The following USP34 variants were observed in gnomAD, a reference collection of about 807,000 sequenced individuals.
The protein encoded by USP34 is ubiquitin carboxyl-terminal hydrolase 34.
In USP34, 70 loss-of-function variants were observed where a neutral mutation model predicts 460.3. That is an observed-to-expected ratio of 0.15 (90% CI 0.13 to 0.19). The LOEUF is 0.19. Ranked by LOEUF, USP34 falls within the 10% of genes least tolerant of loss-of-function variation. USP34 has a pLI of 1.00. For missense variants in USP34, 3,985 were observed against 4,236.2 expected (o/e 0.94, Z 1.65); for synonymous variants, 1,647 against 1,405.3 (o/e 1.17, Z -3.85).
Position 61,245,416 on chromosome 2 carries a change from A to G in USP34, c.6549-128T>C. On this transcript the variant is annotated intron_variant, in intron 50 of 79. Transcript: ENST00000398571. ...TTCATGAGGTAAATTCTAAGTTCTTATTTTTACAATTCTAATCTACTAGAA... is the reference window on the plus strand; with the variant it reads ...TTCATGAGGTAAATTCTAAGTTCTTGTTTTTACAATTCTAATCTACTAGAA... The G allele has an allele frequency of 6.2e-6, 3 of 480,962 alleles. 1 individual carries two copies. The highest frequency in any genetic ancestry group is 1.1e-5 in the Non-Finnish European group (3 of 280,926). The allele number at this position is 480,962 out of a possible 1,614,324, so 29.8% of individuals were successfully genotyped here.
intron 5 of USP34, among the ~76,000 whole-genome samples, chr2:61,392,018 TAAAG>T (rs992958780): frequency 2.6e-5 from 4 of 152,108 alleles, no homozygotes. Flanking sequence ...AGTTGCAAGA[TAAAG>T]AAAACTATGC....
chr2:61,191,981 C>T (rs1686659005), intron 76 of USP34, among the ~76,000 whole-genome samples: 1 of 152,160 alleles, frequency 6.6e-6, no homozygotes, highest in Non-Finnish European at 1.5e-5. Context: ...GGCATTTCTT[C>T]AGGGGATGGA....
intron 33 of USP34, among the ~76,000 whole-genome samples, chr2:61,289,829 C>CT (rs1213673850): frequency 6.6e-6 from 1 of 152,042 alleles, no homozygotes; most frequent in East Asian, 1.9e-4. Context: ...GACTATAAAA[C>CT]TTACAGAAAG....
At chr2:61,319,065 C>T (rs1690835561) in intron 22 of USP34, 108 bp downstream of exon 22, 2 of 1,086,450 alleles carry the variant, frequency 1.8e-6, no homozygotes, top group Non-Finnish European at 2.5e-6. Context: ...TTACATTTGG[C>T]TACTTAAAAA....
chr2:61,342,149 C>T (rs964520416), intron 16 of USP34, among the ~76,000 whole-genome samples: 1 of 152,064 alleles, frequency 6.6e-6, no homozygotes, highest in African/African-American at 2.4e-5. Context: ...TATGACAGTT[C>T]CAGCTCCACA....
At chr2:61,378,323 A>G in intron 8 of USP34, 40 bp downstream of exon 8, 1 of 1,387,862 alleles carries the variant, frequency 7.2e-7, no homozygotes, top group Non-Finnish European at 9.9e-7. Flanking sequence ...ACTGTACATT[A>G]AAATGGTATA....
intron 21 of USP34, 76 bp from the exon 22 acceptor site, chr2:61,319,403 T>A: frequency 9.3e-7 from 1 of 1,078,144 alleles, no homozygotes; most frequent in Non-Finnish European, 1.3e-6. Flanking sequence ...CATGTGTATG[T>A]ACAGTAAGTC....
chr2:61,464,853 G>A (rs944456888), intron 1 of USP34, among the ~76,000 whole-genome samples: 6 of 151,536 alleles, frequency 4.0e-5, no homozygotes, highest in Non-Finnish European at 7.4e-5. Context: ...GTAATTTTAA[G>A]CCTCCAACTC....
chr2:61,318,531 C>G (rs1024457332), intron 22 of USP34, among the ~76,000 whole-genome samples: 7 of 152,164 alleles, frequency 4.6e-5, no homozygotes, highest in African/African-American at 1.7e-4. Context: ...TAACGTCACA[C>G]TTTGCAGAGA....
intron 53 of USP34, among the ~76,000 whole-genome samples, chr2:61,237,843 T>C (rs1688114931): frequency 6.6e-6 from 1 of 151,770 alleles, no homozygotes; most frequent in South Asian, 2.1e-4. Context: ...GTGCTTAGAT[T>C]ACAGGTGTAA....
chr2:61,190,171 T>G, intron 78 of USP34, 100 bp downstream of exon 78: 1 of 1,472,232 alleles, frequency 6.8e-7, no homozygotes, highest in Non-Finnish European at 9.0e-7. Context: ...AGAGTTTGAA[T>G]CAGTAAGTTA....
Position 61,228,846 on chromosome 2 carries a change from G to C in USP34, c.7349C>G (p.Ala2450Gly). The change falls in exon 60 of 80, where the codon GCA (alanine) becomes GGA (glycine). Residue 2450 changes from alanine to glycine, a missense_variant. Coordinates refer to ENST00000398571, the MANE Select transcript of USP34 (RefSeq NM_014709.4). ...TEYFAFLYEF[A>G]KMGEEESQFL... ...CCTCACCTCTTCTTCACCCATTTTT[G>C]CAAATTCGTAAAGGAAGGCAAAATA... 1 of 1,591,150 alleles carries C rather than the reference G, an allele frequency of 6.3e-7. No homozygotes were observed. Among genetic ancestry groups the C allele is most frequent in the Non-Finnish European group, 8.5e-7 (1 of 1,170,308 alleles).
At chr2:61,325,853 G>A (rs1476957729) in intron 20 of USP34, among the ~76,000 whole-genome samples, 1 of 152,106 alleles carries the variant, frequency 6.6e-6, no homozygotes, top group Non-Finnish European at 1.5e-5. Flanking sequence ...AATATATTCT[G>A]TACCCAAGAA....
chr2:61,188,545 T>G lies in USP34; in HGVS notation c.10198A>C (p.Thr3400Pro). 6.2e-7 allele frequency: 1 copy of G among 1,614,224 alleles called. No individual in the cohort carries two copies. Among genetic ancestry groups the G allele is most frequent in the Non-Finnish European group, 8.5e-7 (1 of 1,180,038 alleles). ...TRDSSIIDPGTEQDLPSPENS... is the reference protein window; with the variant it reads ...TRDSSIIDPGPEQDLPSPENS... ...TCAGGGGAAGGAAGATCTTGCTCAG[T>G]TCCTGGATCAATAATTGAGGAGTCT... is the stretch of plus-strand genomic sequence containing the variant. The change falls in exon 80 of 80, where the codon ACT becomes CCT. Residue 3400 changes from threonine (T) to proline (P), a missense_variant. By Grantham distance (38) the Thr-to-Pro change is conservative. Coordinates refer to ENST00000398571, the MANE Select transcript of USP34 (RefSeq NM_014709.4).
chr2:61,236,004 A>T (rs1438195520), intron 56 of USP34, 22 bp downstream of exon 56: 1 of 1,603,234 alleles, frequency 6.2e-7, no homozygotes, highest in East Asian at 2.2e-5. Flanking sequence ...TGACAAAAAA[A>T]TCCATAGTAG....
intron 2 of USP34, among the ~76,000 whole-genome samples, chr2:61,409,145 G>A (rs961153869): frequency 6.6e-6 from 1 of 151,978 alleles, no homozygotes; most frequent in Non-Finnish European, 1.5e-5. Context: ...GCTTGAACTC[G>A]GGAGGTGGAA....
At chr2:61,406,730 C>A (rs1036521068) in intron 2 of USP34, among the ~76,000 whole-genome samples, 2 of 150,876 alleles carry the variant, frequency 1.3e-5, no homozygotes, top group East Asian at 3.9e-4. Flanking sequence ...ATTGGCCAGG[C>A]GCAGTGGCTC....
At chr2:61,259,866 G>A in intron 43 of USP34, 90 bp from the exon 44 acceptor site, 1 of 1,137,862 alleles carries the variant, frequency 8.8e-7, no homozygotes, top group South Asian at 1.5e-5. Flanking sequence ...AATGTACACT[G>A]TATCTGTTTT....
chr2:61,309,174 C>G (rs1339145330), intron 27 of USP34, among the ~76,000 whole-genome samples: 3 of 152,152 alleles, frequency 2.0e-5, no homozygotes, highest in African/African-American at 7.2e-5. Flanking sequence ...TTATTTCCAA[C>G]TTAGAATTCT....
Sources: gnomAD v4.1 joint callset for allele counts (sites outside exome capture counted in the v4.1 genomes callset) on GRCh38, gnomAD v4.1.1 for gene constraint, MANE v1.5 for transcripts, NCBI Gene and HGNC (gene_info 2026-07-23, HGNC 2026-07-21) for gene names.